The following SNTG2 variants were observed in gnomAD, a reference collection of about 807,000 sequenced individuals.
The protein encoded by SNTG2 is syntrophin gamma 2, also known as gamma-2-syntrophin.
In SNTG2, 74 loss-of-function variants were observed where a neutral mutation model predicts 70.9. The ratio of observed to expected loss-of-function variants is 1.04; its 90% CI spans 0.86 to 1.27. The LOEUF (loss-of-function observed/expected upper bound fraction) is 1.27, where lower values mean the gene tolerates loss of function less well. SNTG2 is among the 50% of genes most tolerant of loss of function. The pLI, the probability that SNTG2 is intolerant of heterozygous loss-of-function variation, is 0.00. For synonymous variants in SNTG2, 278 were observed against 273.8 expected, an observed-to-expected ratio of 1.02 and a Z score of -0.15; for missense variants, 717 against 690.7, an observed-to-expected ratio of 1.04 and a Z score of -0.43.
At chr2:1,122,147 A>G (rs1667416319) in intron 4 of SNTG2, among the ~76,000 whole-genome samples, 1 of 152,206 alleles carries the variant, frequency 6.6e-6, no homozygotes. Flanking sequence ...ATGGGACCAG[A>G]TGGCTTCATG....
At chr2:1,270,284 C>G (rs1678952615) in intron 14 of SNTG2, among the ~76,000 whole-genome samples, 1 of 152,060 alleles carries the variant, frequency 6.6e-6, no homozygotes, top group Non-Finnish European at 1.5e-5. Context: ...AATACTTCTC[C>G]AAAACTCCAT....
rs548436017 is a variant in SNTG2 at position 1,098,112 on chromosome 2, T to C, written c.211-84T>C. 15 of 1,452,096 alleles carry C rather than the reference T, an allele frequency of 1.0e-5. No individual in the cohort carries two copies. The East Asian group carries it at 2.5e-4, about 24-fold the overall frequency. 90.0% of individuals were successfully genotyped at this position (1,452,096 alleles called of 1,614,324 possible). ...AAATATAATTTAACACGTATTTGGG[T>C]TTAAATGAAGAATTTCTTTTGAATT... On this transcript the variant is annotated intron_variant, in intron 2 of 16. Coordinates refer to ENST00000308624, the MANE Select transcript of SNTG2 (RefSeq NM_018968.4).
intron 14 of SNTG2, among the ~76,000 whole-genome samples, chr2:1,300,945 G>A (rs756560412): frequency 1.3e-4 from 20 of 152,082 alleles, no homozygotes; most frequent in Non-Finnish European, 2.1e-4. Flanking sequence ...TAAGTAAAAG[G>A]TATTTAAGGG....
At chr2:1,149,682 T>TG (rs1301212722) in intron 6 of SNTG2, among the ~76,000 whole-genome samples, 2 of 7,812 alleles carry the variant, frequency 2.6e-4, no homozygotes, top group African/African-American at 7.4e-4. Flanking sequence ...GTTTTTTTTT[T>TG]TTTTTTTTTT....
At chr2:965,179 T>C (rs1660499053) in intron 1 of SNTG2, among the ~76,000 whole-genome samples, 1 of 89,762 alleles carries the variant, frequency 1.1e-5, no homozygotes, top group Non-Finnish European at 2.2e-5. Flanking sequence ...ACCCCAATCC[T>C]CCTCCTGGTC....
intron 8 of SNTG2, among the ~76,000 whole-genome samples, chr2:1,190,603 A>G (rs1417778357): frequency 1.3e-5 from 2 of 148,976 alleles, no homozygotes; most frequent in Non-Finnish European, 1.5e-5. Flanking sequence ...ATACTTAACC[A>G]TATATATATT....
intron 1 of SNTG2, among the ~76,000 whole-genome samples, chr2:974,587 A>G (rs561223159): frequency 6.6e-6 from 1 of 152,084 alleles, no homozygotes; most frequent in East Asian, 1.9e-4. Context: ...AGGGAGGGAG[A>G]TTTTCTGAAT....
chr2:1,066,459 C>T (rs1301263002), intron 1 of SNTG2, among the ~76,000 whole-genome samples: 3 of 151,944 alleles, frequency 2.0e-5, no homozygotes, highest in Non-Finnish European at 2.9e-5. Context: ...TTGCTGGGCA[C>T]ACTTCTCAGA....
intron 16 of SNTG2, among the ~76,000 whole-genome samples, chr2:1,351,109 C>T (rs540523957): frequency 2.0e-5 from 3 of 151,558 alleles, no homozygotes; most frequent in South Asian, 2.1e-4. Context: ...TTTATACAAG[C>T]AGAAGAAAGC....
At chr2:1,019,928 A>T (rs2148008821) in intron 1 of SNTG2, among the ~76,000 whole-genome samples, 1 of 152,264 alleles carries the variant, frequency 6.6e-6, no homozygotes, top group Non-Finnish European at 1.5e-5. Flanking sequence ...CTGTAATCCC[A>T]GCTACTTGGG....
chr2:979,698 C>T (rs958267925), intron 1 of SNTG2, among the ~76,000 whole-genome samples: 3 of 152,052 alleles, frequency 2.0e-5, no homozygotes, highest in South Asian at 2.1e-4. Flanking sequence ...TTCTCAAGAC[C>T]GGGAACAAAT....
intron 11 of SNTG2, among the ~76,000 whole-genome samples, chr2:1,246,462 A>C (rs867320271): frequency 1.3e-5 from 2 of 152,210 alleles, no homozygotes; most frequent in African/African-American, 2.4e-5. Context: ...TCGTGGGTGC[A>C]TGGGGCTTGC....
chr2:1,169,722 G>T (rs1303165289), intron 7 of SNTG2, among the ~76,000 whole-genome samples: 1 of 152,196 alleles, frequency 6.6e-6, no homozygotes, highest in South Asian at 2.1e-4. Flanking sequence ...GGCATCCTGA[G>T]CGGGGCTGTG....
intron 14 of SNTG2, among the ~76,000 whole-genome samples, chr2:1,269,411 C>T (rs957584802): frequency 6.6e-6 from 1 of 152,104 alleles, no homozygotes; most frequent in African/African-American, 2.4e-5. Context: ...GTTCCAGCTA[C>T]TCAGAAGGCT....
At chr2:1,256,963 C>CTT (rs67092515) in intron 12 of SNTG2, among the ~76,000 whole-genome samples, 97 of 90,132 alleles carry the variant, frequency 1.1e-3, no homozygotes, top group Non-Finnish European at 1.6e-3. Context: ...CCCACTTCTT[C>CTT]TTTTTTTTTT....
At chr2:1,244,634 T>G (rs1293026059) in intron 11 of SNTG2, among the ~76,000 whole-genome samples, 1 of 140,718 alleles carries the variant, frequency 7.1e-6, no homozygotes, top group African/African-American at 2.7e-5. Flanking sequence ...AGGCAGAGCT[T>G]GCAGTGAGCC....
intron 1 of SNTG2, among the ~76,000 whole-genome samples, chr2:980,415 A>G (rs1318340873): frequency 6.6e-6 from 1 of 152,232 alleles, no homozygotes; most frequent in Non-Finnish European, 1.5e-5. Flanking sequence ...AGATAGTACT[A>G]GAAGGAAATA....
At chr2:1,086,626 C>T (rs1446296721) in intron 2 of SNTG2, among the ~76,000 whole-genome samples, 1 of 152,174 alleles carries the variant, frequency 6.6e-6, no homozygotes, top group East Asian at 1.9e-4. Flanking sequence ...TAATGAAGGC[C>T]TCAGGCCACT....
chr2:1,315,013 C>A (rs1382480987), intron 15 of SNTG2, among the ~76,000 whole-genome samples: 1 of 152,192 alleles, frequency 6.6e-6, no homozygotes, highest in Non-Finnish European at 1.5e-5. Context: ...AACCATATCA[C>A]ATGGGAAGCA....
Sources: allele counts gnomAD v4.1 joint callset (sites outside exome capture counted in the v4.1 genomes callset), GRCh38; gene constraint gnomAD v4.1.1; transcripts MANE v1.5; gene names NCBI Gene and HGNC (gene_info 2026-07-23, HGNC 2026-07-21).